The following LRBA variants were observed in gnomAD, a reference collection of about 807,000 sequenced individuals.
LRBA encodes the protein lipopolysaccharide-responsive and beige-like anchor protein.
LRBA carries 176 observed loss-of-function variants against 330.0 expected under a neutral mutation model. That is an observed-to-expected ratio of 0.53 (90% CI 0.47 to 0.60). LRBA has a LOEUF of 0.60. Among genes scored for constraint, LRBA ranks in the 20% least tolerant of loss-of-function variants. The pLI is 0.00. For missense variants in LRBA, 3,259 were observed against 3,444.8 expected, an observed-to-expected ratio of 0.95 and a Z score of 1.35; for synonymous variants, 1,230 against 1,193.0, an observed-to-expected ratio of 1.03 and a Z score of -0.64.
At chr4:150,831,772 A>C (rs762318608) in intron 29 of LRBA, 45 bp downstream of exon 29, 12 of 1,449,038 alleles carry the variant, frequency 8.3e-6, no homozygotes, top group Non-Finnish European at 1.0e-5. Context: ...AGTAAGTAAC[A>C]TTTATTTGAA....
chr4:150,367,279 T>C (rs1051772824), intron 47 of LRBA, among the ~76,000 whole-genome samples: 1 of 152,174 alleles, frequency 6.6e-6, no homozygotes, highest in African/African-American at 2.4e-5. Flanking sequence ...ACATCTGTTT[T>C]TGAAGAGAAA....
chr4:150,371,114 A>G (rs1740215707), intron 47 of LRBA, among the ~76,000 whole-genome samples: 2 of 151,568 alleles, frequency 1.3e-5, no homozygotes, highest in Non-Finnish European at 2.9e-5. Flanking sequence ...ATGTTCTAGT[A>G]TCAATATTAA....
chr4:150,551,921 T>C (rs897764830), intron 40 of LRBA, among the ~76,000 whole-genome samples: 2 of 152,176 alleles, frequency 1.3e-5, no homozygotes, highest in African/African-American at 4.8e-5. Flanking sequence ...GAAACTGATT[T>C]CGTGGAAGAC....
At chr4:150,984,613 G>C (rs1198384549) in intron 2 of LRBA, among the ~76,000 whole-genome samples, 1 of 152,102 alleles carries the variant, frequency 6.6e-6, no homozygotes, top group African/African-American at 2.4e-5. Flanking sequence ...AGATTTAAAA[G>C]GTAATCTGCT....
At chr4:150,493,942 G>A (rs1173018454) in intron 40 of LRBA, among the ~76,000 whole-genome samples, 3 of 152,020 alleles carry the variant, frequency 2.0e-5, no homozygotes, top group Non-Finnish European at 2.9e-5. Context: ...TAATTAGTTG[G>A]GCGTGGTAGC....
intron 39 of LRBA, among the ~76,000 whole-genome samples, chr4:150,588,394 G>A (rs577353637): frequency 3.9e-5 from 6 of 152,236 alleles, no homozygotes; most frequent in East Asian, 3.9e-4. Flanking sequence ...TATAACAGGC[G>A]GTTAATGATA....
chr4:150,606,784 CA>C (rs1156711197), intron 37 of LRBA, among the ~76,000 whole-genome samples: 2 of 152,144 alleles, frequency 1.3e-5, no homozygotes, highest in Non-Finnish European at 2.9e-5. Flanking sequence ...TAGCTATGAT[CA>C]AAGTACTAAT....
At chr4:150,871,100 G>A (rs1000228040) in intron 19 of LRBA, among the ~76,000 whole-genome samples, 18 of 152,034 alleles carry the variant, frequency 1.2e-4, no homozygotes, top group African/African-American at 2.9e-4. Flanking sequence ...AAAATTAGCC[G>A]GGTTAGGTGG....
chr4:150,673,856 AAATT>A (rs1782293946), intron 37 of LRBA, among the ~76,000 whole-genome samples: 1 of 152,244 alleles, frequency 6.6e-6, no homozygotes, highest in South Asian at 2.1e-4. Flanking sequence ...TATTTACTAA[AAATT>A]AATTATACTT....
At chr4:150,295,363 T>G (rs1383031718) in intron 53 of LRBA, among the ~76,000 whole-genome samples, 2 of 151,824 alleles carry the variant, frequency 1.3e-5, no homozygotes, top group Admixed American at 1.3e-4. Flanking sequence ...ACCCAGCTAA[T>G]TTTTTTTACT....
chr4:150,451,647 A>C (rs1290517437), intron 44 of LRBA, among the ~76,000 whole-genome samples: 1 of 152,186 alleles, frequency 6.6e-6, no homozygotes, highest in African/African-American at 2.4e-5. Context: ...TTAAGTTACT[A>C]AAAAGGAAGA....
chr4:150,508,622 G>A (rs1761456774), intron 40 of LRBA, among the ~76,000 whole-genome samples: 1 of 152,136 alleles, frequency 6.6e-6, no homozygotes, highest in South Asian at 2.1e-4. Flanking sequence ...TTTAATTAGG[G>A]ATAAAGAGGG....
At chr4:150,719,632 G>A (rs1191907970) in intron 36 of LRBA, among the ~76,000 whole-genome samples, 2 of 152,118 alleles carry the variant, frequency 1.3e-5, no homozygotes, top group African/African-American at 4.8e-5. Flanking sequence ...ACAAAGCTTA[G>A]TTCTTAATCA....
intron 42 of LRBA, among the ~76,000 whole-genome samples, chr4:150,483,251 T>C (rs1047027433): frequency 2.0e-5 from 3 of 151,970 alleles, no homozygotes; most frequent in Admixed American, 6.6e-5. Flanking sequence ...AAGATCATTT[T>C]CCCCCCTGGG....
chr4:150,609,396 C>A (rs1242268413), intron 37 of LRBA, among the ~76,000 whole-genome samples: 1 of 152,134 alleles, frequency 6.6e-6, no homozygotes, highest in African/African-American at 2.4e-5. Context: ...CATAAGGCAT[C>A]CATGAGAGAA....
intron 37 of LRBA, among the ~76,000 whole-genome samples, chr4:150,606,031 G>T (rs539234324): frequency 1.2e-4 from 19 of 152,134 alleles, no homozygotes; most frequent in Non-Finnish European, 2.5e-4. Flanking sequence ...CAAATTTTAT[G>T]TAATTAGGAA....
intron 48 of LRBA, among the ~76,000 whole-genome samples, chr4:150,330,824 C>A (rs1291724812): frequency 6.6e-6 from 1 of 152,000 alleles, no homozygotes; most frequent in Non-Finnish European, 1.5e-5. Context: ...AGTATTTAGA[C>A]AACAAAAAAT....
rs762657897 is a variant in LRBA, at chr4:150,893,002, C to A, written c.2165+50G>T. On this transcript the variant is annotated intron_variant, in intron 17 of 56. Coordinates refer to ENST00000651943, the MANE Select transcript of LRBA (RefSeq NM_001364905.1). ...ATCCTTTTCATATTTAAGAAGCTTT[C>A]AAATATTTCCAAACTAATCCCTTAT... The A allele has an allele frequency of 2.6e-6, 3 of 1,142,490 alleles. No individual in the cohort carries two copies. In the South Asian group the frequency reaches 4.3e-5, roughly 16 times the overall value. The allele number at this position is 1,142,490 out of a possible 1,614,324, so 70.8% of individuals were successfully genotyped here.
chr4:150,833,436 T>C (rs902990764), intron 28 of LRBA, among the ~76,000 whole-genome samples: 1 of 152,110 alleles, frequency 6.6e-6, no homozygotes, highest in African/African-American at 2.4e-5. Context: ...AATCCAGGCA[T>C]ACCATGGAGA....
Sources: gnomAD v4.1 joint callset for allele counts (sites outside exome capture counted in the v4.1 genomes callset) on GRCh38, gnomAD v4.1.1 for gene constraint, MANE v1.5 for transcripts, NCBI Gene and HGNC (gene_info 2026-07-23, HGNC 2026-07-21) for gene names.